MEMO1: variants seen among roughly 807,000 people sequenced by gnomAD.
The protein encoded by MEMO1 is protein MEMO1.
Under a neutral mutation model 45.2 loss-of-function variants are expected in MEMO1, and 6 were observed. The ratio of observed to expected loss-of-function variants is 0.13; its 90% CI spans 0.07 to 0.26. The LOEUF is 0.26. Among genes scored for constraint, MEMO1 ranks in the 10% least tolerant of loss-of-function variants. The pLI, the probability that MEMO1 is intolerant of heterozygous loss-of-function variation, is 1.00. For synonymous variants in MEMO1, 78 were observed against 124.3 expected, an observed-to-expected ratio of 0.63 and a Z score of 2.48; for missense variants, 184 against 370.5, an observed-to-expected ratio of 0.50 and a Z score of 4.13.
intron 2 of MEMO1, among the ~76,000 whole-genome samples, chr2:31,978,742 A>G (rs1670301165): frequency 6.6e-6 from 1 of 152,210 alleles, no homozygotes; most frequent in South Asian, 2.1e-4. Context: ...TCTCATTTTG[A>G]GCAAAGCCCC....
intron 4 of MEMO1, among the ~76,000 whole-genome samples, chr2:31,931,815 A>C (rs1413076445): frequency 6.6e-6 from 1 of 152,200 alleles, no homozygotes; most frequent in East Asian, 1.9e-4. Context: ...ATCAAAAAAC[A>C]AAATATTTAA....
At chr2:31,959,830 G>T (rs919221289) in intron 2 of MEMO1, among the ~76,000 whole-genome samples, 7 of 152,124 alleles carry the variant, frequency 4.6e-5, no homozygotes, top group Non-Finnish European at 8.8e-5. Flanking sequence ...TAATGTCACG[G>T]GAAAGTCAGT....
intron 2 of MEMO1, among the ~76,000 whole-genome samples, chr2:31,988,157 C>T (rs1230241322): frequency 1.3e-5 from 2 of 152,068 alleles, no homozygotes; most frequent in South Asian, 4.1e-4. Flanking sequence ...GTCTGCAGGA[C>T]CTTTCAGAAG....
At chr2:31,902,724 C>G (rs1012386926) in intron 6 of MEMO1, among the ~76,000 whole-genome samples, 1 of 152,072 alleles carries the variant, frequency 6.6e-6, no homozygotes, top group Non-Finnish European at 1.5e-5. Context: ...CCAAGAACCT[C>G]CCCCTCACAT....
intron 4 of MEMO1, among the ~76,000 whole-genome samples, chr2:31,926,009 T>G (rs2148211365): frequency 6.6e-6 from 1 of 152,274 alleles, no homozygotes; most frequent in East Asian, 1.9e-4. Flanking sequence ...AATTTTTACT[T>G]CAAAAGACAA....
chr2:31,979,111 T>C (rs1223383319), intron 2 of MEMO1, among the ~76,000 whole-genome samples: 1 of 152,134 alleles, frequency 6.6e-6, no homozygotes, highest in Non-Finnish European at 1.5e-5. Flanking sequence ...AAGGACCTTC[T>C]TCACATGGCA....
At chr2:31,885,501 GATTCA>G (rs1322693116) in intron 7 of MEMO1, among the ~76,000 whole-genome samples, 3 of 152,168 alleles carry the variant, frequency 2.0e-5, no homozygotes, top group African/African-American at 7.2e-5. Flanking sequence ...ATAATTTATC[GATTCA>G]ATTCATTTGA....
chr2:31,953,668 G>T (rs529503141), intron 2 of MEMO1, among the ~76,000 whole-genome samples: 2 of 152,042 alleles, frequency 1.3e-5, no homozygotes, highest in South Asian at 2.1e-4. Flanking sequence ...TGTTGCTCAG[G>T]CTGGTCTTGA....
At chr2:31,930,722 T>C (rs1664055364) in intron 4 of MEMO1, among the ~76,000 whole-genome samples, 1 of 151,886 alleles carries the variant, frequency 6.6e-6, no homozygotes, top group Non-Finnish European at 1.5e-5. Context: ...CTTGGCTCAC[T>C]GCAACCTCCA....
intron 3 of MEMO1, among the ~76,000 whole-genome samples, chr2:31,937,032 C>G (rs1157338734): frequency 6.6e-6 from 1 of 152,192 alleles, no homozygotes; most frequent in Non-Finnish European, 1.5e-5. Flanking sequence ...CTCCTCTGAA[C>G]AGATGGGATC....
At chr2:31,987,432 AT>A (rs758380812) in intron 2 of MEMO1, among the ~76,000 whole-genome samples, 1 of 152,212 alleles carries the variant, frequency 6.6e-6, no homozygotes, top group Non-Finnish European at 1.5e-5. Flanking sequence ...ATCATTAATG[AT>A]TTTAACTAGT....
At chr2:31,906,267 G>T (rs1383133933) in intron 6 of MEMO1, among the ~76,000 whole-genome samples, 1 of 151,840 alleles carries the variant, frequency 6.6e-6, no homozygotes, top group Non-Finnish European at 1.5e-5. Context: ...ACCGCACCCG[G>T]CCAAGGAGTG....
intron 2 of MEMO1, among the ~76,000 whole-genome samples, chr2:32,001,125 G>A (rs979307228): frequency 2.5e-4 from 34 of 138,690 alleles, no homozygotes; most frequent in East Asian, 7.1e-4. Context: ...TGCAAGCGCC[G>A]CCTCCCGGGT....
At chr2:31,987,199 C>T (rs1671367875) in intron 2 of MEMO1, among the ~76,000 whole-genome samples, 1 of 151,888 alleles carries the variant, frequency 6.6e-6, no homozygotes, top group East Asian at 1.9e-4. Context: ...AAAGGGGTCT[C>T]GCTATGTTGT....
intron 6 of MEMO1, among the ~76,000 whole-genome samples, chr2:31,904,388 C>A (rs1679358892): frequency 6.6e-6 from 1 of 152,212 alleles, no homozygotes; most frequent in Non-Finnish European, 1.5e-5. Flanking sequence ...GCTAGCTACA[C>A]AGGCAGAATG....
chr2:32,010,639 C>G (rs1432403117), intron 1 of MEMO1: 1 of 152,404 alleles, frequency 6.6e-6, no homozygotes, highest in Non-Finnish European at 1.5e-5. Flanking sequence ...CGAGCCACCG[C>G]GAGTGACCCC....
intron 4 of MEMO1, 99 bp downstream of exon 4, chr2:31,931,968 G>A (rs1204239718): frequency 3.1e-6 from 3 of 955,160 alleles, no homozygotes; most frequent in Non-Finnish European, 4.9e-6. Context: ...TCATGAAATT[G>A]AGTACATAAT....
chr2:31,965,955 T>G (rs1349259728), intron 2 of MEMO1, among the ~76,000 whole-genome samples: 1 of 152,120 alleles, frequency 6.6e-6, no homozygotes. Flanking sequence ...CACATGTACC[T>G]TAGAACTTAT....
At chr2:31,898,376 C>G (rs182014208) in intron 6 of MEMO1, among the ~76,000 whole-genome samples, 13 of 152,254 alleles carry the variant, frequency 8.5e-5, no homozygotes, top group African/African-American at 3.1e-4. Flanking sequence ...TCCCTCTAAA[C>G]ACTACTTTAG....
Sources: allele counts gnomAD v4.1 joint callset (sites outside exome capture counted in the v4.1 genomes callset), GRCh38; gene constraint gnomAD v4.1.1; transcripts MANE v1.5; gene names NCBI Gene and HGNC (gene_info 2026-07-23, HGNC 2026-07-21).